Variants in RXRB observed in about 807,000 individuals in gnomAD.
RXRB encodes retinoic acid receptor RXR-beta.
In RXRB, 18 loss-of-function variants were observed where a neutral mutation model predicts 52.5. That is an observed-to-expected ratio of 0.34 (90% confidence interval 0.24 to 0.51). The LOEUF is 0.51. Among genes scored for constraint, RXRB ranks in the 20% least tolerant of loss-of-function variants. RXRB has a pLI of 0.97. For synonymous variants in RXRB, 233 were observed against 267.1 expected (o/e 0.87, Z 1.25); for missense variants, 455 against 698.2 (o/e 0.65, Z 3.92).
chr6:33,200,144 G>T lies in RXRB; in HGVS notation c.235+98C>A. On this transcript the variant is annotated intron_variant, in intron 1 of 9. Coordinates refer to ENST00000374680, the MANE Select transcript of RXRB (RefSeq NM_021976.5). The surrounding 1 kb of genome is among the most constrained non-coding windows in gnomAD (Gnocchi z 6.3). ...GGGACGCGTGTTTACAAACAAGGGGGCGGGAGCGCAAGGAAAAGAGCACCG... is the reference window on the plus strand; with the variant it reads ...GGGACGCGTGTTTACAAACAAGGGGTCGGGAGCGCAAGGAAAAGAGCACCG... 2 of 1,489,840 alleles carry T rather than the reference G, an allele frequency of 1.3e-6. No individual in the cohort carries two copies. Among genetic ancestry groups the T allele is most frequent in the Admixed American group, 1.7e-5 (1 of 58,276 alleles). The allele number at this position is 1,489,840 out of a possible 1,614,324, so 92.3% of individuals were successfully genotyped here. A position where few individuals can be genotyped will look rare whatever the true frequency, so the allele number is the denominator to read the frequency against.
chr6:33,200,647 C>G lies in RXRB; in HGVS notation c.-171G>C, dbSNP rs1010844924. On this transcript the variant is annotated 5_prime_UTR_variant, in exon 1 of 10. Transcript: ENST00000374680. This position sits in a 1 kb window ranked among gnomAD's most constrained non-coding sequence, Gnocchi z 6.3. ...CAAAATGACAGCGCCAATGTGGCAG[C>G]CATCTTTGTACAGACGGGAAGTCTC... The G allele has an allele frequency of 6.6e-7, 1 of 1,521,188 alleles. No individual in the cohort carries two copies. Among genetic ancestry groups the G allele is most frequent in the African/African-American group, 1.4e-5 (1 of 72,492 alleles). The allele number at this position is 1,521,188 out of a possible 1,614,324, so 94.2% of individuals were successfully genotyped here.
chr6:33,197,680 C>T lies in RXRB; in HGVS notation c.820+82G>A, dbSNP rs530442173. ...CTCTAGAGGAGAGAGAGCAGTCCAC[C>T]CTTCCAGAGAGGTACACAGTCTGAG... is the stretch of plus-strand genomic sequence containing the variant. On this transcript the variant is annotated intron_variant, in intron 4 of 9. Transcript: ENST00000374680. The surrounding 1 kb of genome is among the most constrained non-coding windows in gnomAD (Gnocchi z 4.4). 1.3e-4 allele frequency: 167 copies of T among 1,314,394 alleles called. 1 individual carries two copies. In the South Asian group the frequency reaches 2.1e-3, roughly 17 times the overall value. The allele number at this position is 1,314,394 out of a possible 1,614,324, so 81.4% of individuals were successfully genotyped here.
rs1320302919 is a variant in RXRB, at chr6:33,200,661, A to G, written c.-185T>C. ...CAATGTGGCAGCCATCTTTGTACAG[A>G]CGGGAAGTCTCGGCGCGAGTTCCCG... On this transcript the variant is annotated 5_prime_UTR_variant, in exon 1 of 10. Coordinates refer to ENST00000374680, the MANE Select transcript of RXRB (RefSeq NM_021976.5). The surrounding 1 kb of genome is among the most constrained non-coding windows in gnomAD (Gnocchi z 6.3). 6.5e-7 allele frequency: 1 copy of G among 1,537,006 alleles called. No homozygotes were observed. Among genetic ancestry groups the G allele is most frequent in the Non-Finnish European group, 8.8e-7 (1 of 1,141,560 alleles).
In RXRB at chr6:33,198,648, G is replaced by A. The variant is rs528828386; in HGVS notation, c.484-184C>T. 8.4e-6 allele frequency: 6 copies of A among 714,006 alleles called. No homozygotes were observed. In the East Asian group the frequency reaches 1.6e-4, roughly 19 times the overall value. The allele number at this position is 714,006 out of a possible 1,614,324, so 44.2% of individuals were successfully genotyped here. On this transcript the variant is annotated intron_variant, in intron 2 of 9. Transcript: ENST00000374680. ...AGCACAACCCCAAAGTGAATAAACA[G>A]GCCCCCCCTGAAATTGTGCAACACA...
chr6:33,196,744 G>T lies in RXRB; in HGVS notation c.821-138C>A. On this transcript the variant is annotated intron_variant, in intron 4 of 9. Transcript: ENST00000374680. This position sits in a 1 kb window ranked among gnomAD's most constrained non-coding sequence, Gnocchi z 4.0. ...TAGGAATTGGGGAAGTCACTAGAAA[G>T]GGTGGACTGGGGGCAGCCCTGAAGG... 1 of 752,980 alleles carries T rather than the reference G, an allele frequency of 1.3e-6. No homozygotes were observed. Among genetic ancestry groups the T allele is most frequent in the Non-Finnish European group, 2.1e-6 (1 of 476,316 alleles). 46.6% of individuals were successfully genotyped at this position (752,980 alleles called of 1,614,324 possible). A position where few individuals can be genotyped will look rare whatever the true frequency, so the allele number is the denominator to read the frequency against.
rs576861100 is a variant in RXRB at position 33,200,215 on chromosome 6, C to A, written c.235+27G>T. The A allele has an allele frequency of 1.2e-6, 2 of 1,602,010 alleles. No homozygotes were observed. Among genetic ancestry groups the A allele is most frequent in the Non-Finnish European group, 1.7e-6 (2 of 1,175,384 alleles). On this transcript the variant is annotated intron_variant, in intron 1 of 9. Coordinates refer to ENST00000374680, the MANE Select transcript of RXRB (RefSeq NM_021976.5). This position sits in a 1 kb window ranked among gnomAD's most constrained non-coding sequence, Gnocchi z 6.3. ...GTCGCAGATAAAGCGGTCACTGGCT[C>A]GCCTGCCCTTCTGCTGGGGCACTCA...
rs148140531 is a variant in RXRB at position 33,200,192 on chromosome 6, C to T, written c.235+50G>A. Reference sequence around the variant, plus strand: ...CCGGGGGAGGGTGTGGGGGAGGGGTCGCAGATAAAGCGGTCACTGGCTCGC... The same window carrying T: ...CCGGGGGAGGGTGTGGGGGAGGGGTTGCAGATAAAGCGGTCACTGGCTCGC... On this transcript the variant is annotated intron_variant, in intron 1 of 9. Coordinates refer to ENST00000374680, the MANE Select transcript of RXRB (RefSeq NM_021976.5). This position sits in a 1 kb window ranked among gnomAD's most constrained non-coding sequence, Gnocchi z 6.3. 0.036 allele frequency: 57,860 copies of T among 1,590,870 alleles called. 1,524 individuals are homozygous for T. The highest frequency in any genetic ancestry group is 0.084 in the South Asian group (7,463 of 89,112).
rs1261689923 is a variant in RXRB at position 33,198,443 on chromosome 6, G to T, written c.505C>A (p.Pro169Thr). 8.7e-6 allele frequency: 14 copies of T among 1,612,462 alleles called. No individual in the cohort carries two copies. Among genetic ancestry groups the T allele is most frequent in the Non-Finnish European group, 1.2e-5 (14 of 1,179,724 alleles). ...TCAGGGGGGCCAGACCCACCCCCAGGGAGTGACACTGTTGAGTTAATCTGG... is the reference window on the plus strand; with the variant it reads ...TCAGGGGGGCCAGACCCACCCCCAGTGAGTGACACTGTTGAGTTAATCTGG... ...SPQINSTVSL[P>T]GGGSGPPEDV... The change falls in exon 3 of 10, where the codon CCT becomes ACT. Residue 169 changes from proline to threonine, a missense_variant. Pro to Thr is a conservative substitution (Grantham distance 38, BLOSUM62 -1). Coordinates refer to ENST00000374680, the MANE Select transcript of RXRB (RefSeq NM_021976.5).
chr6:33,197,891 G>A lies in RXRB; in HGVS notation c.691C>T (p.Arg231Cys). 1 of 1,613,566 alleles carries A rather than the reference G, an allele frequency of 6.2e-7. No homozygotes were observed. Among genetic ancestry groups the A allele is most frequent in the Non-Finnish European group, 8.5e-7 (1 of 1,180,016 alleles). ...TATGTAAGGTCTTTGCGGATGGTGC[G>A]TTTGAAGAAGCCCTTGCAACCCTCA... ...SCEGCKGFFK[R>C]TIRKDLTYSC... Residue 231 changes from arginine (R) to cysteine (C), a missense_variant, in exon 4 of 10, where the codon CGC becomes TGC. Transcript: ENST00000374680. The surrounding 1 kb of genome is among the most constrained non-coding windows in gnomAD (Gnocchi z 4.4).
chr6:33,200,217 C>A lies in RXRB; in HGVS notation c.235+25G>T. 6.2e-7 allele frequency: 1 copy of A among 1,602,218 alleles called. No individual in the cohort carries two copies. On this transcript the variant is annotated intron_variant, in intron 1 of 9. Coordinates refer to ENST00000374680, the MANE Select transcript of RXRB (RefSeq NM_021976.5). This position sits in a 1 kb window ranked among gnomAD's most constrained non-coding sequence, Gnocchi z 6.3. ...CGCAGATAAAGCGGTCACTGGCTCG[C>A]CTGCCCTTCTGCTGGGGCACTCACC...
At chr6:33,199,692 TA>T in intron 1 of RXRB, 1 of 454,458 alleles carries the variant, frequency 2.2e-6, no homozygotes, top group East Asian at 3.9e-5. Flanking sequence ...TTTGACTGGC[TA>T]AAAAAACCCA....
chr6:33,196,095 G>T lies in RXRB; in HGVS notation c.994-59C>A. The T allele has an allele frequency of 6.2e-7, 1 of 1,606,156 alleles. No individual in the cohort carries two copies. The highest frequency in any genetic ancestry group is 8.5e-7 in the Non-Finnish European group (1 of 1,174,932). ...TTTGAGATATGCTGGGAGCCCCCTT[G>T]TAAGAGGCTTTTGACACCCCCTCCT... On this transcript the variant is annotated intron_variant, in intron 5 of 9. Transcript: ENST00000374680. The surrounding 1 kb of genome is among the most constrained non-coding windows in gnomAD (Gnocchi z 4.0).
Position 33,199,156 on chromosome 6 carries a change from CACA to C in RXRB, c.483+10_483+12del, listed in dbSNP as rs760222729. On this transcript the variant is annotated intron_variant, in intron 2 of 9. Coordinates refer to ENST00000374680, the MANE Select transcript of RXRB (RefSeq NM_021976.5). ...GAAAGTGGCCAGGCAGTAAGTTGGT[CACA>C]ACCTCTCACCTGGGGGCTGCTGACA... 9.3e-6 allele frequency: 12 copies of C among 1,296,430 alleles called. No homozygotes were observed. The South Asian group carries it at 4.2e-4, about 46-fold the overall frequency. 80.3% of individuals were successfully genotyped at this position (1,296,430 alleles called of 1,614,324 possible). A position where few individuals can be genotyped will look rare whatever the true frequency, so the allele number is the denominator to read the frequency against.
At chr6:33,200,684 C>T (rs1562425550), upstream of RXRB, 2 of 1,543,546 alleles carry the variant, frequency 1.3e-6, no homozygotes, top group Non-Finnish European at 1.7e-6. This position sits in a 1 kb window ranked among gnomAD's most constrained non-coding sequence, Gnocchi z 6.3. Flanking sequence ...GCGCGAGTTC[C>T]CGCCCCCTCG....
chr6:33,195,324 T>G lies in RXRB; in HGVS notation c.1348+39A>C. 1 of 1,299,664 alleles carries G rather than the reference T, an allele frequency of 7.7e-7. No homozygotes were observed. The highest frequency in any genetic ancestry group is 1.2e-5 in the South Asian group (1 of 84,896). 80.5% of individuals were successfully genotyped at this position (1,299,664 alleles called of 1,614,324 possible). A position where few individuals can be genotyped will look rare whatever the true frequency, so the allele number is the denominator to read the frequency against. On this transcript the variant is annotated intron_variant, in intron 8 of 9. Coordinates refer to ENST00000374680, the MANE Select transcript of RXRB (RefSeq NM_021976.5). The surrounding 1 kb of genome is among the most constrained non-coding windows in gnomAD (Gnocchi z 8.6). ...CTCGGAGAAGAGGAGGCTCCAAGGT[T>G]GCCTTGGCCTTGAGAGACAAAGGTA...
Position 33,195,097 on chromosome 6 carries a change from A to C in RXRB, c.1349-47T>G. ...GAGGAAGAGAAATGAAGACAAACCAAATCAGGATGGCCATGCAGATGTGAG... is the reference window on the plus strand; with the variant it reads ...GAGGAAGAGAAATGAAGACAAACCACATCAGGATGGCCATGCAGATGTGAG... On this transcript the variant is annotated intron_variant, in intron 8 of 9. Transcript: ENST00000374680. This position sits in a 1 kb window ranked among gnomAD's most constrained non-coding sequence, Gnocchi z 8.6. 2 of 1,365,488 alleles carry C rather than the reference A, an allele frequency of 1.5e-6. No homozygotes were observed. Among genetic ancestry groups the C allele is most frequent in the Non-Finnish European group, 2.1e-6 (2 of 956,154 alleles). The allele number at this position is 1,365,488 out of a possible 1,614,324, so 84.6% of individuals were successfully genotyped here. A position where few individuals can be genotyped will look rare whatever the true frequency, so the allele number is the denominator to read the frequency against.
Position 33,194,679 on chromosome 6 carries a change from A to G in RXRB, c.*3T>C, listed in dbSNP as rs1773756280. 1 of 1,612,496 alleles carries G rather than the reference A, an allele frequency of 6.2e-7. No homozygotes were observed. The highest frequency in any genetic ancestry group is 1.3e-5 in the African/African-American group (1 of 74,908). On this transcript the variant is annotated 3_prime_UTR_variant, in exon 10 of 10. Coordinates refer to ENST00000374680, the MANE Select transcript of RXRB (RefSeq NM_021976.5). The surrounding 1 kb of genome is among the most constrained non-coding windows in gnomAD (Gnocchi z 4.1). ...GTGAGAAGCACCACGTCTGGGTCTG[A>G]GCTCAGGCCAGTTGATGGGGAGCCT...
At chr6:33,198,214 T>C in intron 3 of RXRB, 94 bp downstream of exon 3, 14 of 1,567,484 alleles carry the variant, frequency 8.9e-6, no homozygotes, top group Admixed American at 1.7e-5. Flanking sequence ...CCCAGGTCAC[T>C]TGCTCTGACC....
In RXRB at chr6:33,200,485, G is replaced by T; in HGVS notation, c.-9C>A. ...CGAGCGGCCCAAGACATGATCCCTG[G>T]CTGAGAGTAGGGATACCGAAGAGGT... On this transcript the variant is annotated 5_prime_UTR_variant, in exon 1 of 10. Transcript: ENST00000374680. This position sits in a 1 kb window ranked among gnomAD's most constrained non-coding sequence, Gnocchi z 6.3. 1 of 1,586,272 alleles carries T rather than the reference G, an allele frequency of 6.3e-7. No individual in the cohort carries two copies. The highest frequency in any genetic ancestry group is 8.6e-7 in the Non-Finnish European group (1 of 1,168,650).
Sources: allele counts gnomAD v4.1 joint callset, GRCh38; gene constraint gnomAD v4.1.1; non-coding constraint Gnocchi (gnomAD v3.1); transcripts MANE v1.5; gene names NCBI Gene and HGNC (gene_info 2026-07-23, HGNC 2026-07-21).